Variants in DLG2 observed in about 807,000 individuals in gnomAD.
DLG2 encodes the protein discs large MAGUK scaffold protein 2.
A neutral mutation model predicts 132.5 loss-of-function variants in DLG2; 45 were observed. The observed-to-expected ratio is 0.34, with a 90% CI of 0.27 to 0.44. DLG2 has a LOEUF of 0.44. Among genes scored for constraint, DLG2 ranks in the 20% least tolerant of loss-of-function variants. DLG2 has a pLI of 1.00. For missense variants in DLG2, 1,045 were observed against 1,196.9 expected, an observed-to-expected ratio of 0.87 and a Z score of 1.87; for synonymous variants, 424 against 419.6, an observed-to-expected ratio of 1.01 and a Z score of -0.13.
At chr11:85,100,245 C>T (rs1300080663) in intron 6 of DLG2, among the ~76,000 whole-genome samples, 1 of 151,996 alleles carries the variant, frequency 6.6e-6, no homozygotes, top group Non-Finnish European at 1.5e-5. Flanking sequence ...TAAATGCAAC[C>T]ACCTTCAGAG....
chr11:85,598,821 G>T, intron 2 of DLG2, 33 bp from the exon 3 acceptor site: 2 of 579,598 alleles, frequency 3.5e-6, no homozygotes, highest in South Asian at 5.0e-5. Flanking sequence ...TATATTTTAT[G>T]GTCTTAGCAA....
intron 19 of DLG2, among the ~76,000 whole-genome samples, chr11:83,617,893 A>T (rs1276777564): frequency 6.6e-6 from 1 of 152,156 alleles, no homozygotes; most frequent in East Asian, 1.9e-4. Context: ...GGTACTCAGG[A>T]GGCTAAAGCA....
intron 18 of DLG2, among the ~76,000 whole-genome samples, chr11:83,729,218 G>A (rs7945102): frequency 0.32 from 47,932 of 152,054 alleles, 9,711 homozygotes; most frequent in African/African-American, 0.58. Context: ...GGATAATATT[G>A]TAAGTTATTC....
At chr11:85,542,973 C>T (rs1424788652) in intron 3 of DLG2, among the ~76,000 whole-genome samples, 4 of 152,014 alleles carry the variant, frequency 2.6e-5, no homozygotes, top group African/African-American at 9.7e-5. Flanking sequence ...CTAGGTGTAG[C>T]TATACAAAAT....
Position 84,872,067 on chromosome 11 carries a change from G to C in DLG2, c.357+239594C>G, listed in dbSNP as rs534229950. ...TATATCCTATCTAATTCCTCTGAAG[G>C]TACATTTACTTTTCTTTACCAGTAC... On this transcript the variant is annotated intron_variant, in intron 6 of 27. Transcript: ENST00000376104. Among the ~76,000 whole-genome samples, 3 of 152,222 alleles carry C rather than the reference G, an allele frequency of 2.0e-5. No individual in the cohort carries two copies. The South Asian group carries it at 6.2e-4, about 32-fold the overall frequency.
At chr11:84,728,120 C>A (rs1009512213) in intron 6 of DLG2, among the ~76,000 whole-genome samples, 1 of 152,230 alleles carries the variant, frequency 6.6e-6, no homozygotes, top group African/African-American at 2.4e-5. Flanking sequence ...GAACTTCCAA[C>A]ACTATGTTGA....
chr11:84,516,213 C>T (rs578175732), intron 7 of DLG2, among the ~76,000 whole-genome samples: 8 of 149,562 alleles, frequency 5.3e-5, no homozygotes, highest in South Asian at 4.2e-4. Context: ...AATAAAAGGA[C>T]GGAAATAGAA....
At chr11:83,546,823 T>G (rs1191075676) in intron 19 of DLG2, among the ~76,000 whole-genome samples, 18 of 152,142 alleles carry the variant, frequency 1.2e-4, no homozygotes, top group Admixed American at 1.2e-3. Context: ...TGAGTAGTTT[T>G]TAGAGGACAC....
intron 7 of DLG2, among the ~76,000 whole-genome samples, chr11:84,336,487 TA>T (rs1435378994): frequency 6.6e-6 from 1 of 151,826 alleles, no homozygotes; most frequent in Non-Finnish European, 1.5e-5. Flanking sequence ...ATTCCTCCCT[TA>T]CTTCCAACTC....
chr11:83,766,231 C>T (rs954613867), intron 18 of DLG2, among the ~76,000 whole-genome samples: 2 of 151,666 alleles, frequency 1.3e-5, no homozygotes, highest in Non-Finnish European at 2.9e-5. Context: ...GTAGCTGGGA[C>T]TACAGGCACG....
chr11:84,372,734 C>T (rs1465098079), intron 7 of DLG2, among the ~76,000 whole-genome samples: 1 of 152,112 alleles, frequency 6.6e-6, no homozygotes. Context: ...GAATCTATTC[C>T]TTCTTAACAT....
At chr11:84,631,622 C>T (rs543015350) in intron 6 of DLG2, among the ~76,000 whole-genome samples, 21 of 151,640 alleles carry the variant, frequency 1.4e-4, no homozygotes, top group East Asian at 9.7e-4. Context: ...AGCACCAAGA[C>T]GATATTACAA....
At chr11:84,642,251 G>T (rs1940078) in intron 6 of DLG2, among the ~76,000 whole-genome samples, 1 of 151,316 alleles carries the variant, frequency 6.6e-6, no homozygotes, top group South Asian at 2.1e-4. Flanking sequence ...TTCAAACTTA[G>T]AGTAACCAAT....
At chr11:84,737,215 T>C (rs1411951928) in intron 6 of DLG2, among the ~76,000 whole-genome samples, 2 of 152,026 alleles carry the variant, frequency 1.3e-5, no homozygotes, top group African/African-American at 2.4e-5. Context: ...GGTCATGATA[T>C]ATTATAATTT....
intron 17 of DLG2, among the ~76,000 whole-genome samples, chr11:83,796,932 C>T (rs568648425): frequency 6.6e-5 from 10 of 151,956 alleles, no homozygotes; most frequent in Admixed American, 2.0e-4. Context: ...AATTCTGTGG[C>T]GTACAGAGGA....
At chr11:85,542,051 TACA>T (rs973767803) in intron 3 of DLG2, among the ~76,000 whole-genome samples, 5 of 152,228 alleles carry the variant, frequency 3.3e-5, no homozygotes, top group South Asian at 2.1e-4. Context: ...CTAATTTATT[TACA>T]ACAACTCCAG....
At chr11:84,420,817 C>T (rs532064903) in intron 7 of DLG2, among the ~76,000 whole-genome samples, 50 of 146,684 alleles carry the variant, frequency 3.4e-4, no homozygotes, top group Admixed American at 9.5e-4. Context: ...TACAGGCGTG[C>T]GCCACCACGC....
intron 6 of DLG2, among the ~76,000 whole-genome samples, chr11:84,638,655 T>C (rs569659314): frequency 6.6e-6 from 1 of 152,352 alleles, no homozygotes; most frequent in African/African-American, 2.4e-5. Context: ...ATTATAAATT[T>C]AATAATAGAA....
chr11:83,637,709 C>T (rs1449814743), intron 18 of DLG2, among the ~76,000 whole-genome samples: 1 of 152,152 alleles, frequency 6.6e-6, no homozygotes, highest in Non-Finnish European at 1.5e-5. Context: ...CCCCTCTTGA[C>T]ATCTTGCTCT....
Sources: allele counts gnomAD v4.1 joint callset (sites outside exome capture counted in the v4.1 genomes callset), GRCh38; gene constraint gnomAD v4.1.1; transcripts MANE v1.5; gene names NCBI Gene and HGNC (gene_info 2026-07-23, HGNC 2026-07-21).